The following TRAPPC11 variants were observed in gnomAD, a reference collection of about 807,000 sequenced individuals.
TRAPPC11 encodes the protein foie gras homolog.
TRAPPC11 carries 104 observed loss-of-function variants against 151.2 expected under a neutral mutation model. That is an observed-to-expected ratio of 0.69 (90% confidence interval 0.59 to 0.81). The LOEUF (loss-of-function observed/expected upper bound fraction) is 0.81. Ranked by LOEUF, TRAPPC11 falls within the 30% of genes least tolerant of loss-of-function variation. TRAPPC11 has a pLI of 0.00. For synonymous variants in TRAPPC11, 456 were observed against 472.3 expected (o/e 0.97, Z 0.45); for missense variants, 1,230 against 1,349.6 (o/e 0.91, Z 1.39).
chr4:183,706,950 A>G lies in TRAPPC11; in HGVS notation c.3189+10A>G, dbSNP rs1364622991. 4 of 1,612,470 alleles carry G rather than the reference A, an allele frequency of 2.5e-6. No individual in the cohort carries two copies. The highest frequency in any genetic ancestry group is 3.4e-6 in the Non-Finnish European group (4 of 1,179,326). ...CTCAGGTCTCAAACAGGTACAGGTC[A>G]TATCTTGTGATGCTTATGTTGACAC... On this transcript the variant is annotated intron_variant, in intron 28 of 29. Coordinates refer to ENST00000334690, the MANE Select transcript of TRAPPC11 (RefSeq NM_021942.6).
intron 5 of TRAPPC11, 32 bp downstream of exon 5, chr4:183,668,149 T>A: frequency 7.6e-7 from 1 of 1,321,078 alleles, no homozygotes; most frequent in Non-Finnish European, 1.1e-6. Flanking sequence ...TTTTGTTTTT[T>A]TAGATTATTA....
At chr4:183,676,377 T>C (rs1216201674) in intron 7 of TRAPPC11, among the ~76,000 whole-genome samples, 3 of 152,180 alleles carry the variant, frequency 2.0e-5, no homozygotes, top group Non-Finnish European at 2.9e-5. Flanking sequence ...CTCGAACTCC[T>C]GACCTCAGGT....
chr4:183,673,960 C>T (rs2111328035), intron 5 of TRAPPC11, among the ~76,000 whole-genome samples: 1 of 152,258 alleles, frequency 6.6e-6, no homozygotes, highest in East Asian at 1.9e-4. Context: ...TTTGCCAGTT[C>T]TCATTTTTGG....
rs1040471731 is a variant in TRAPPC11 at position 183,696,696 on chromosome 4, C to G, written c.2629-807C>G. Among the ~76,000 whole-genome samples the G allele has an allele frequency of 3.9e-5, 6 of 152,144 alleles. No individual in the cohort carries two copies. The South Asian group carries it at 8.3e-4, about 21-fold the overall frequency. Reference sequence around the variant, plus strand: ...AGGTGTGAGCCACCATGCCCACCCCCCCATTGTTTTTCTAACAGACTCTTT... The same window carrying G: ...AGGTGTGAGCCACCATGCCCACCCCGCCATTGTTTTTCTAACAGACTCTTT... On this transcript the variant is annotated intron_variant, in intron 23 of 29. Coordinates refer to ENST00000334690, the MANE Select transcript of TRAPPC11 (RefSeq NM_021942.6).
Position 183,708,513 on chromosome 4 carries a change from G to A in TRAPPC11, c.3296G>A (p.Arg1099Lys). 1 of 1,614,090 alleles carries A rather than the reference G, an allele frequency of 6.2e-7. No homozygotes were observed. The highest frequency in any genetic ancestry group is 8.5e-7 in the Non-Finnish European group (1 of 1,179,982). Residue 1099 changes from arginine to lysine, a missense_variant, in exon 29 of 30, where the codon AGA (arginine) becomes AAA (lysine). Transcript: ENST00000334690. Reference sequence around the variant, plus strand: ...CCATCTCTCAACATCAACTTGCTTAGATTTCCTAACTTCACAAATCAGCTG... The same window carrying A: ...CCATCTCTCAACATCAACTTGCTTAAATTTCCTAACTTCACAAATCAGCTG... ...QLPSLNINLL[R>K]FPNFTNQLLR...
chr4:183,663,667 C>G (rs1734679573), intron 1 of TRAPPC11, among the ~76,000 whole-genome samples, 180 bp from the exon 2 acceptor site: 1 of 151,462 alleles, frequency 6.6e-6, no homozygotes, highest in South Asian at 2.1e-4. Context: ...CCATGCCTGG[C>G]CTTGTAATGA....
At chr4:183,661,779 TGTG>T (rs1734562086) in intron 1 of TRAPPC11, among the ~76,000 whole-genome samples, 1 of 142,258 alleles carries the variant, frequency 7.0e-6, no homozygotes, top group African/African-American at 2.7e-5. Flanking sequence ...TTTTTTTTTT[TGTG>T]GCACAATCTT....
chr4:183,670,874 C>A (rs1437537732), intron 5 of TRAPPC11, among the ~76,000 whole-genome samples: 1 of 152,130 alleles, frequency 6.6e-6, no homozygotes. Flanking sequence ...CAACCTCTGC[C>A]CCCCAGATTC....
chr4:183,702,342 T>TA lies in TRAPPC11; in HGVS notation c.2963+551dup, dbSNP rs761830872. ...CTGGGCAACAGAGCGAGACCCTGTTTAAAAAAAAAAAAAAAAAGTTCATAG... is the reference window on the plus strand; with the variant it reads ...CTGGGCAACAGAGCGAGACCCTGTTTAAAAAAAAAAAAAAAAAAGTTCATAG... On this transcript the variant is annotated intron_variant, in intron 26 of 29. Coordinates refer to ENST00000334690, the MANE Select transcript of TRAPPC11 (RefSeq NM_021942.6). Among the ~76,000 whole-genome samples the TA allele has an allele frequency of 3.9e-3, 488 of 125,450 alleles. 4 individuals carry two copies. The highest frequency in any genetic ancestry group is 8.7e-3 in the African/African-American group (309 of 35,616). 82.3% of individuals were successfully genotyped at this position (125,450 alleles called of 152,430 possible). A position where few individuals can be genotyped will look rare whatever the true frequency, so the allele number is the denominator to read the frequency against.
At position 183,685,469 on chromosome 4, in the gene TRAPPC11, G is replaced by A. The variant is rs908024467; in HGVS notation, c.1762+66G>A. Reference sequence around the variant, plus strand: ...TCTTATTTCTACAAAATGAATAGGTGCAGAATAATAAATATAAAAGTCAAG... The same window carrying A: ...TCTTATTTCTACAAAATGAATAGGTACAGAATAATAAATATAAAAGTCAAG... On this transcript the variant is annotated intron_variant, in intron 17 of 29. Coordinates refer to ENST00000334690, the MANE Select transcript of TRAPPC11 (RefSeq NM_021942.6). 29 of 1,507,786 alleles carry A rather than the reference G, an allele frequency of 1.9e-5. No homozygotes were observed. The African/African-American group carries it at 2.6e-4, about 14-fold the overall frequency. The allele number at this position is 1,507,786 out of a possible 1,614,324, so 93.4% of individuals were successfully genotyped here. A position where few individuals can be genotyped will look rare whatever the true frequency, so the allele number is the denominator to read the frequency against.
At chr4:183,676,458 A>G (rs1162361931) in intron 7 of TRAPPC11, among the ~76,000 whole-genome samples, 1 of 152,006 alleles carries the variant, frequency 6.6e-6, no homozygotes, top group Admixed American at 6.6e-5. Flanking sequence ...CCTGTAGTTC[A>G]TTTTTATCGA....
chr4:183,686,871 T>A, intron 18 of TRAPPC11, 123 bp downstream of exon 18: 1 of 1,203,196 alleles, frequency 8.3e-7, no homozygotes, highest in Non-Finnish European at 1.2e-6. Context: ...TGAACTTTGG[T>A]AAGGTCTATT....
intron 2 of TRAPPC11, among the ~76,000 whole-genome samples, chr4:183,665,217 C>T (rs1188676950): frequency 4.7e-5 from 7 of 150,318 alleles, no homozygotes; most frequent in Admixed American, 2.0e-4. Context: ...GCTTCAGCCT[C>T]CCGAGTGGCT....
chr4:183,661,757 CTTTTTTTT>C (rs562308106), intron 1 of TRAPPC11, among the ~76,000 whole-genome samples: 3 of 100,136 alleles, frequency 3.0e-5, no homozygotes, highest in African/African-American at 1.2e-4. Context: ...TTTGGAATAA[CTTTTTTTT>C]TTTTTTTTTT....
chr4:183,710,043 T>C (rs995418905), intron 29 of TRAPPC11, among the ~76,000 whole-genome samples: 17 of 152,270 alleles, frequency 1.1e-4, no homozygotes, highest in African/African-American at 4.1e-4. Context: ...TTTGAATCAT[T>C]TAGATGTATG....
chr4:183,686,961 A>G (rs549330436), intron 18 of TRAPPC11, among the ~76,000 whole-genome samples: 20 of 152,252 alleles, frequency 1.3e-4, no homozygotes, highest in African/African-American at 4.1e-4. Flanking sequence ...CAGGCAGATC[A>G]CAAGGTCAAG....
chr4:183,693,492 C>G lies in TRAPPC11; in HGVS notation c.2238-97C>G, dbSNP rs1330111640. The stretch of plus-strand genomic sequence containing the variant: ...AAATGCTGGGATTACAGGCCTGAGC[C>G]TCTGCACCCAGCCTCTTATTTCTTT... On this transcript the variant is annotated intron_variant, in intron 20 of 29. Transcript: ENST00000334690. 3 of 1,344,108 alleles carry G rather than the reference C, an allele frequency of 2.2e-6. No homozygotes were observed. In the Admixed American group the frequency reaches 7.0e-5, roughly 31 times the overall value. 83.3% of individuals were successfully genotyped at this position (1,344,108 alleles called of 1,614,324 possible).
chr4:183,694,173 C>A, intron 22 of TRAPPC11, 135 bp downstream of exon 22: 1 of 940,128 alleles, frequency 1.1e-6, no homozygotes, highest in Non-Finnish European at 1.6e-6. Context: ...ATGAACATTT[C>A]ATACACATTT....
intron 1 of TRAPPC11, among the ~76,000 whole-genome samples, chr4:183,661,577 T>C (rs1734543273): frequency 6.6e-6 from 1 of 151,668 alleles, no homozygotes; most frequent in African/African-American, 2.4e-5. Context: ...TTCACCATGT[T>C]AGCCAGGATG....
Sources: allele counts gnomAD v4.1 joint callset (sites outside exome capture counted in the v4.1 genomes callset), GRCh38; gene constraint gnomAD v4.1.1; transcripts MANE v1.5; gene names NCBI Gene and HGNC (gene_info 2026-07-23, HGNC 2026-07-21).